The following COG5 variants were observed in gnomAD, a reference collection of about 807,000 sequenced individuals.
COG5 encodes component of oligomeric golgi complex 5.
In COG5, 86 loss-of-function variants were observed where a neutral mutation model predicts 110.4. That is an observed-to-expected ratio of 0.78 (90% CI 0.65 to 0.93). The LOEUF is 0.93. COG5 is among the 40% of genes least tolerant of loss of function. The probability of loss-of-function intolerance (pLI) is 0.00; values close to 1 mark genes in which losing one functional copy is unlikely to be tolerated. For missense variants in COG5, 1,077 were observed against 987.0 expected (o/e 1.09, Z -1.22); for synonymous variants, 360 against 334.6 (o/e 1.08, Z -0.83).
At chr7:107,424,125 T>C (rs1212751274) in intron 6 of COG5, among the ~76,000 whole-genome samples, 1 of 151,514 alleles carries the variant, frequency 6.6e-6, no homozygotes, top group Admixed American at 6.6e-5. Context: ...TACAAAAAAT[T>C]AGCAGGGTGT....
intron 16 of COG5, among the ~76,000 whole-genome samples, chr7:107,249,690 TTGTGTGTGTGTGTGTGTGTG>T (rs57572752): frequency 0.022 from 2,921 of 131,742 alleles, 108 homozygotes; most frequent in African/African-American, 0.072. Context: ...ACGTACAGGA[TTGTGTGTGTGTGTGTGTGTG>T]TGTGTGTGTG....
At position 107,312,646 on chromosome 7, in the gene COG5, G is replaced by A. The variant is rs74825685; in HGVS notation, c.1108+11794C>T. Among the ~76,000 whole-genome samples the A allele has an allele frequency of 5.2e-3, 788 of 152,244 alleles. 7 individuals carry two copies. The highest frequency in any genetic ancestry group is 0.018 in the African/African-American group (732 of 41,544). The stretch of plus-strand genomic sequence containing the variant: ...GAGGGTGATTCATTCAACAATTCAG[G>A]CTTAAGTATGAGATAAAGACATAGA... On this transcript the variant is annotated intron_variant, in intron 11 of 21. Transcript: ENST00000297135.
intron 19 of COG5, among the ~76,000 whole-genome samples, chr7:107,229,855 T>G (rs543039065): frequency 7.0e-4 from 106 of 150,938 alleles, no homozygotes; most frequent in Middle Eastern, 6.8e-3. Context: ...GTTTTTTTTT[T>G]TTGTTTTTTT....
intron 7 of COG5, among the ~76,000 whole-genome samples, chr7:107,400,918 G>A (rs1791376418): frequency 6.6e-6 from 1 of 151,986 alleles, no homozygotes; most frequent in Admixed American, 6.6e-5. Flanking sequence ...TTGACACATC[G>A]TAAAAGAGGA....
At chr7:107,272,997 G>A (rs1050261590) in intron 14 of COG5, among the ~76,000 whole-genome samples, 1 of 151,554 alleles carries the variant, frequency 6.6e-6, no homozygotes, top group Non-Finnish European at 1.5e-5. Context: ...TTTTTAAAAG[G>A]AAGTCTTCTC....
intron 6 of COG5, among the ~76,000 whole-genome samples, chr7:107,517,591 A>G (rs910634330): frequency 1.3e-5 from 2 of 152,184 alleles, no homozygotes; most frequent in Admixed American, 1.3e-4. Context: ...AAGAGCAGCC[A>G]GAGAAAAAGG....
chr7:107,295,044 C>CAT (rs1806569882), intron 12 of COG5, among the ~76,000 whole-genome samples: 1 of 32,344 alleles, frequency 3.1e-5, no homozygotes, highest in Non-Finnish European at 5.4e-5. Context: ...CATATACACA[C>CAT]ACACACACAC....
In COG5 at chr7:107,241,034, T is replaced by A. The variant is rs138167922; in HGVS notation, c.1854-4347A>T. On this transcript the variant is annotated intron_variant, in intron 17 of 21. Coordinates refer to ENST00000297135, the MANE Select transcript of COG5 (RefSeq NM_006348.5). ...CTTCATACTCATGGCAACCTATCAG[T>A]TGAAGAAACAGTTTGGCTCACTAGA... 4.4e-3 allele frequency among the ~76,000 whole-genome samples: 673 copies of A among 152,322 alleles called. 3 individuals carry two copies. Among genetic ancestry groups the A allele is most frequent in the African/African-American group, 0.015 (642 of 41,568 alleles).
intron 1 of COG5, among the ~76,000 whole-genome samples, chr7:107,559,796 G>C (rs1803630072): frequency 6.6e-6 from 1 of 152,206 alleles, no homozygotes; most frequent in South Asian, 2.1e-4. Context: ...CAAAGGGAAG[G>C]TTTAGCAGTG....
intron 12 of COG5, among the ~76,000 whole-genome samples, chr7:107,290,212 C>T (rs1254250003): frequency 6.6e-6 from 1 of 152,132 alleles, no homozygotes; most frequent in African/African-American, 2.4e-5. Context: ...CCACTTATCT[C>T]ACTACCTACC....
At chr7:107,235,438 C>A (rs1272708580) in intron 18 of COG5, among the ~76,000 whole-genome samples, 1 of 152,250 alleles carries the variant, frequency 6.6e-6, no homozygotes, top group Non-Finnish European at 1.5e-5. Flanking sequence ...GGTGTGGTGG[C>A]TCACGCCTGT....
At chr7:107,265,528 T>C (rs550779895) in intron 14 of COG5, among the ~76,000 whole-genome samples, 1 of 152,232 alleles carries the variant, frequency 6.6e-6, no homozygotes, top group South Asian at 2.1e-4. Flanking sequence ...ACCTTTGGGA[T>C]CTTCCAAAGA....
At chr7:107,417,707 T>C (rs774395790) in intron 6 of COG5, among the ~76,000 whole-genome samples, 16 of 152,182 alleles carry the variant, frequency 1.1e-4, no homozygotes, top group Non-Finnish European at 2.1e-4. Flanking sequence ...GCACTGGATA[T>C]TACTACTGTT....
At chr7:107,463,820 T>A (rs114650278) in intron 6 of COG5, among the ~76,000 whole-genome samples, 2,200 of 152,182 alleles carry the variant, frequency 0.014, 52 homozygotes, top group African/African-American at 0.051. Flanking sequence ...CTGCTTTGGT[T>A]TCTCACTCCA....
chr7:107,384,149 G>A (rs1447926771), intron 7 of COG5, among the ~76,000 whole-genome samples: 3 of 152,230 alleles, frequency 2.0e-5, no homozygotes, highest in East Asian at 1.9e-4. Flanking sequence ...CACAACCAGA[G>A]CCTCTGACGA....
intron 7 of COG5, among the ~76,000 whole-genome samples, chr7:107,405,167 T>C (rs1292217263): frequency 6.6e-6 from 1 of 152,212 alleles, no homozygotes; most frequent in African/African-American, 2.4e-5. Flanking sequence ...CTTCAGTTAA[T>C]TTCCTAACCT....
chr7:107,418,010 CTAAA>C (rs1188478579), intron 6 of COG5, among the ~76,000 whole-genome samples: 1 of 152,126 alleles, frequency 6.6e-6, no homozygotes, highest in Non-Finnish European at 1.5e-5. Flanking sequence ...ATAAAATTAT[CTAAA>C]AAGCTCCACA....
chr7:107,336,322 T>A (rs1192213882), intron 10 of COG5, among the ~76,000 whole-genome samples: 2 of 152,194 alleles, frequency 1.3e-5, no homozygotes, highest in Non-Finnish European at 2.9e-5. Context: ...TCTTACACTA[T>A]GTGTGAGCTA....
chr7:107,474,044 C>A lies in COG5; in HGVS notation c.538+53193G>T, dbSNP rs1446557123. On this transcript the variant is annotated intron_variant, in intron 6 of 21. Transcript: ENST00000297135. This position sits in a 1 kb window ranked among gnomAD's most constrained non-coding sequence, Gnocchi z 5.7. The stretch of plus-strand genomic sequence containing the variant: ...CTATTTCACTTTCTAGGGAAAAAAA[C>A]CAACTGCTCCAAAAGAATGTGTTTT... 9.2e-6 allele frequency: 13 copies of A among 1,413,396 alleles called. No individual in the cohort carries two copies. Among genetic ancestry groups the A allele is most frequent in the East Asian group, 4.6e-5 (2 of 43,338 alleles). 87.6% of individuals were successfully genotyped at this position (1,413,396 alleles called of 1,614,324 possible).
Sources: gnomAD v4.1 joint callset for allele counts (sites outside exome capture counted in the v4.1 genomes callset) on GRCh38, gnomAD v4.1.1 for gene constraint, Gnocchi (gnomAD v3.1) non-coding constraint, MANE v1.5 for transcripts, NCBI Gene and HGNC (gene_info 2026-07-23, HGNC 2026-07-21) for gene names.